The following ANO2 variants were observed in gnomAD, a reference collection of about 807,000 sequenced individuals.
ANO2 encodes the protein anoctamin-2.
In ANO2, 101 loss-of-function variants were observed where a neutral mutation model predicts 124.2. The ratio of observed to expected loss-of-function variants is 0.81; its 90% CI spans 0.69 to 0.96. ANO2 has a LOEUF of 0.96. Among genes scored for constraint, ANO2 ranks in the 40% least tolerant of loss-of-function variants. The pLI is 0.00. For synonymous variants in ANO2, 486 were observed against 482.5 expected, an observed-to-expected ratio of 1.01 and a Z score of -0.09; for missense variants, 1,293 against 1,274.5, an observed-to-expected ratio of 1.01 and a Z score of -0.22.
chr12:5,629,092 C>G (rs1287999136), intron 16 of ANO2, among the ~76,000 whole-genome samples: 1 of 152,180 alleles, frequency 6.6e-6, no homozygotes, highest in Non-Finnish European at 1.5e-5. Context: ...CTTGACTTGA[C>G]TAATACTCTT....
At chr12:5,915,331 ACAATAT>A (rs1162052763) in intron 3 of ANO2, among the ~76,000 whole-genome samples, 1 of 152,252 alleles carries the variant, frequency 6.6e-6, no homozygotes, top group Non-Finnish European at 1.5e-5. Context: ...ATGAACATGG[ACAATAT>A]CAATACATGG....
intron 4 of ANO2, among the ~76,000 whole-genome samples, chr12:5,849,037 C>A (rs2137245582): frequency 6.6e-6 from 1 of 152,278 alleles, no homozygotes; most frequent in Non-Finnish European, 1.5e-5. Context: ...GCCTGCTTTC[C>A]TAAAAAGGCA....
intron 19 of ANO2, among the ~76,000 whole-genome samples, chr12:5,604,892 A>AC (rs754499762): frequency 6.9e-5 from 10 of 145,688 alleles, no homozygotes; most frequent in Admixed American, 1.4e-4. Context: ...CTTTGATGTT[A>AC]CCCCCCTTGC....
In ANO2 at chr12:5,743,642, G is replaced by A. The variant is rs950249364; in HGVS notation, c.1351+515C>T. 7.9e-5 allele frequency among the ~76,000 whole-genome samples: 12 copies of A among 152,214 alleles called. 1 individual carries two copies. In the East Asian group the frequency reaches 2.1e-3, roughly 27 times the overall value. On this transcript the variant is annotated intron_variant, in intron 12 of 24. Transcript: ENST00000682330. ...GTGGGAATACTGAAAGCATTACCCT[G>A]GCATTAAATATTAAATTAAACAGTG...
intron 10 of ANO2, among the ~76,000 whole-genome samples, chr12:5,793,053 G>A (rs184113023): frequency 1.1e-4 from 16 of 152,268 alleles, no homozygotes; most frequent in Non-Finnish European, 2.2e-4. Flanking sequence ...AGTATTTGGG[G>A]TGTGGGAAAG....
rs1200725159 is a variant in ANO2 at position 5,732,535 on chromosome 12, C to CGTCGTA, written c.1529_1530insTACGAC (p.Thr509_Thr510dup). ...AGCTTCATACCTCATCGCCACACTC[C>CGTCGTA]GTCGTGTTTGTTTCCAATTTCTGGA... On this transcript the variant is annotated inframe_insertion, in exon 14 of 25. Transcript: ENST00000682330. The CGTCGTA allele has an allele frequency of 1.2e-6, 2 of 1,613,028 alleles. No homozygotes were observed. The highest frequency in any genetic ancestry group is 2.7e-5 in the African/African-American group (2 of 74,898).
intron 10 of ANO2, among the ~76,000 whole-genome samples, chr12:5,783,284 C>T (rs1057500037): frequency 1.3e-5 from 2 of 152,190 alleles, no homozygotes; most frequent in Non-Finnish European, 2.9e-5. Context: ...CACTTCAAAT[C>T]TTGATTCTCT....
At position 5,563,179 on chromosome 12, in the gene ANO2, C is replaced by T. The variant is rs990815575; in HGVS notation, c.*120G>A. 3.0e-6 allele frequency: 4 copies of T among 1,350,716 alleles called. No individual in the cohort carries two copies. The highest frequency in any genetic ancestry group is 9.9e-7 in the Non-Finnish European group (1 of 1,011,778). The allele number at this position is 1,350,716 out of a possible 1,614,324, so 83.7% of individuals were successfully genotyped here. A position where few individuals can be genotyped will look rare whatever the true frequency, so the allele number is the denominator to read the frequency against. Reference sequence around the variant, plus strand: ...TTCTTTTTACACACTGCCCCCTCTTCAAGACCCCATCAAGCCAGGCCCCTG... The same window carrying T: ...TTCTTTTTACACACTGCCCCCTCTTTAAGACCCCATCAAGCCAGGCCCCTG... On this transcript the variant is annotated 3_prime_UTR_variant, in exon 25 of 25. Coordinates refer to ENST00000682330, the MANE Select transcript of ANO2 (RefSeq NM_001364791.2).
chr12:5,907,328 AAT>A (rs1681871316), intron 3 of ANO2, among the ~76,000 whole-genome samples: 1 of 152,248 alleles, frequency 6.6e-6, no homozygotes, highest in Non-Finnish European at 1.5e-5. Context: ...ATATTCAGCA[AAT>A]AATAGTCCAG....
chr12:5,832,684 GAC>G lies in ANO2; in HGVS notation c.634-83_634-82del. Reference sequence around the variant, plus strand: ...TGGCTTCACAAAAAAAAGCTGCATGGACACAGATTCCCAGAGGTGAACATTGG... The same window carrying G: ...TGGCTTCACAAAAAAAAGCTGCATGGACAGATTCCCAGAGGTGAACATTGG... On this transcript the variant is annotated intron_variant, in intron 4 of 24. Coordinates refer to ENST00000682330, the MANE Select transcript of ANO2 (RefSeq NM_001364791.2). 3 of 1,430,370 alleles carry G rather than the reference GAC, an allele frequency of 2.1e-6. No individual in the cohort carries two copies. In the South Asian group the frequency reaches 4.0e-5, roughly 19 times the overall value. 88.6% of individuals were successfully genotyped at this position (1,430,370 alleles called of 1,614,324 possible). A position where few individuals can be genotyped will look rare whatever the true frequency, so the allele number is the denominator to read the frequency against.
intron 13 of ANO2, 76 bp from the exon 14 acceptor site, chr12:5,732,706 T>G: frequency 2.0e-6 from 3 of 1,533,744 alleles, no homozygotes; most frequent in African/African-American, 1.4e-5. Flanking sequence ...ACCAGACACA[T>G]GTACATTAAC....
intron 20 of ANO2, among the ~76,000 whole-genome samples, chr12:5,598,958 A>C (rs1285906065): frequency 1.4e-5 from 1 of 72,534 alleles, no homozygotes; most frequent in African/African-American, 4.2e-5. Context: ...CCCTACCGAA[A>C]TAGACCCAAC....
At chr12:5,775,252 A>T (rs1311995430) in intron 10 of ANO2, among the ~76,000 whole-genome samples, 1 of 152,150 alleles carries the variant, frequency 6.6e-6, no homozygotes, top group African/African-American at 2.4e-5. Context: ...AACGGATAAG[A>T]GAATAGAAAT....
intron 12 of ANO2, among the ~76,000 whole-genome samples, chr12:5,742,458 A>G (rs924749017): frequency 6.6e-6 from 1 of 152,168 alleles, no homozygotes; most frequent in Non-Finnish European, 1.5e-5. Flanking sequence ...GTGATGTGAA[A>G]GGAAGACAGT....
intron 12 of ANO2, among the ~76,000 whole-genome samples, chr12:5,740,688 C>T (rs935185072): frequency 6.6e-6 from 1 of 152,262 alleles, no homozygotes; most frequent in Non-Finnish European, 1.5e-5. Context: ...AGGACAATGG[C>T]ATTTGGGCAT....
chr12:5,807,093 C>T (rs147932402), intron 8 of ANO2, among the ~76,000 whole-genome samples: 2,166 of 152,246 alleles, frequency 0.014, 52 homozygotes, highest in African/African-American at 0.048. Context: ...ATTGTGTCAT[C>T]TGGGGAAATC....
At chr12:5,943,474 T>C (rs1942977043) in intron 1 of ANO2, among the ~76,000 whole-genome samples, 1 of 152,046 alleles carries the variant, frequency 6.6e-6, no homozygotes, top group African/African-American at 2.4e-5. Context: ...TGCAAAGACA[T>C]AAGAATGATA....
At chr12:5,614,201 A>G (rs975823987) in intron 17 of ANO2, among the ~76,000 whole-genome samples, 1 of 152,264 alleles carries the variant, frequency 6.6e-6, no homozygotes, top group South Asian at 2.1e-4. Context: ...TGACTGTAAA[A>G]TAAAGAATTT....
intron 10 of ANO2, among the ~76,000 whole-genome samples, chr12:5,797,919 T>C (rs1030580100): frequency 4.6e-5 from 7 of 152,198 alleles, no homozygotes; most frequent in African/African-American, 1.7e-4. Flanking sequence ...AAGGCAATAC[T>C]TCCCCTGCAG....
Sources: allele counts gnomAD v4.1 joint callset (sites outside exome capture counted in the v4.1 genomes callset), GRCh38; gene constraint gnomAD v4.1.1; transcripts MANE v1.5; gene names NCBI Gene and HGNC (gene_info 2026-07-23, HGNC 2026-07-21).